The following GPHN variants were observed in gnomAD, a reference collection of about 807,000 sequenced individuals.
The protein encoded by GPHN is gephyrin.
GPHN carries 17 observed loss-of-function variants against 95.5 expected under a neutral mutation model. The observed-to-expected ratio is 0.18, with a 90% CI of 0.12 to 0.27. The LOEUF (loss-of-function observed/expected upper bound fraction) is 0.27. Ranked by LOEUF, GPHN falls within the 10% of genes least tolerant of loss-of-function variation. The pLI, the probability that GPHN is intolerant of heterozygous loss-of-function variation, is 1.00. For synonymous variants in GPHN, 320 were observed against 322.5 expected (o/e 0.99, Z 0.08); for missense variants, 660 against 978.1 (o/e 0.67, Z 4.34).
chr14:67,063,650 C>T (rs2075915989), intron 11 of GPHN, among the ~76,000 whole-genome samples: 1 of 152,052 alleles, frequency 6.6e-6, no homozygotes, highest in South Asian at 2.1e-4. Flanking sequence ...CCTTCACATC[C>T]CTTGTAAATT....
chr14:67,088,292 GTAA>G (rs1458089078), intron 11 of GPHN, among the ~76,000 whole-genome samples: 1 of 152,072 alleles, frequency 6.6e-6, no homozygotes, highest in Non-Finnish European at 1.5e-5. Flanking sequence ...ACATTCTGAA[GTAA>G]TAAATGCTTT....
At chr14:67,507,845 G>A in the GPHN span, among the ~76,000 whole-genome samples, 1 of 152,138 alleles carries the variant, frequency 6.6e-6, no homozygotes, top group African/African-American at 2.4e-5. Flanking sequence ...GCGGTTAAAA[G>A]AGCAATGACT....
chr14:67,222,922 G>A, the GPHN span, among the ~76,000 whole-genome samples: 1 of 150,816 alleles, frequency 6.6e-6, no homozygotes, highest in African/African-American at 2.4e-5. Context: ...ACAAGAGTCA[G>A]TCCCACAAAA....
intron 21 of GPHN, among the ~76,000 whole-genome samples, chr14:67,169,708 T>C (rs2082487476): frequency 6.6e-6 from 1 of 152,248 alleles, no homozygotes; most frequent in African/African-American, 2.4e-5. Context: ...ACCATTACTT[T>C]CCAAGTGTTC....
intron 5 of GPHN, among the ~76,000 whole-genome samples, chr14:66,893,670 G>A (rs1288756922): frequency 6.6e-6 from 1 of 152,118 alleles, no homozygotes; most frequent in African/African-American, 2.4e-5. Flanking sequence ...CAAAGTCTTA[G>A]GATACAAAAT....
chr14:67,453,565 C>T, the GPHN span, among the ~76,000 whole-genome samples: 1 of 152,164 alleles, frequency 6.6e-6, no homozygotes, highest in Non-Finnish European at 1.5e-5. Flanking sequence ...CCTATTTTTG[C>T]CCCCAAAAGA....
intron 12 of GPHN, among the ~76,000 whole-genome samples, chr14:67,099,555 A>AG (rs902829946): frequency 1.2e-4 from 18 of 152,032 alleles, no homozygotes; most frequent in Non-Finnish European, 2.4e-4. Flanking sequence ...TTCAAAAAAA[A>AG]AAACACAAGA....
intron 10 of GPHN, among the ~76,000 whole-genome samples, chr14:67,029,404 C>T (rs1029037798): frequency 2.7e-5 from 4 of 150,604 alleles, no homozygotes; most frequent in African/African-American, 9.8e-5. Context: ...ATGGCACAGT[C>T]TTGGCTCACT....
chr14:66,518,045 C>T lies in GPHN; in HGVS notation c.64+9454C>T, dbSNP rs555212116. On this transcript the variant is annotated intron_variant, in intron 1 of 22. Transcript: ENST00000478722. ...AAATATTTGCAAACTGTTCATCTGA[C>T]GGGGGATTAATATCTAGGATATACA... 1.1e-4 allele frequency among the ~76,000 whole-genome samples: 17 copies of T among 150,916 alleles called. No individual in the cohort carries two copies. The East Asian group carries it at 1.2e-3, about 10-fold the overall frequency.
chr14:67,110,188 G>T lies in GPHN; in HGVS notation c.1342G>T (p.Ala448Ser), dbSNP rs2153685279. The T allele has an allele frequency of 1.2e-6, 2 of 1,612,386 alleles. No homozygotes were observed. The highest frequency in any genetic ancestry group is 1.7e-6 in the Non-Finnish European group (2 of 1,178,426). ...PGQVMRVTTG[A>S]PIPCGADAVV... ...ACAAGTCATGCGGGTTACAACAGGT[G>T]CTCCAATACCCTGCGGTGCTGATGC... The change falls in exon 14 of 23, where the codon GCT (alanine) becomes TCT (serine). Residue 448 changes from alanine (A) to serine (S), a missense_variant. By Grantham distance (99) the Ala-to-Ser change is moderately conservative. Around this residue, in one of 6 missense-constraint regions of GPHN, gnomAD observed 257 missense variants for 376.2 expected, o/e 0.68. Transcript: ENST00000478722.
chr14:67,341,726 G>A, the GPHN span, among the ~76,000 whole-genome samples: 1 of 152,264 alleles, frequency 6.6e-6, no homozygotes, highest in Admixed American at 6.5e-5. Context: ...GACAATGGCG[G>A]TTTTGTGGAA....
the GPHN span, chr14:67,562,578 G>C: frequency 1.2e-6 from 2 of 1,612,482 alleles, no homozygotes; most frequent in Non-Finnish European, 1.7e-6. Context: ...CCAAAGGTGC[G>C]GGCTCCTGGC....
At chr14:66,887,898 A>G (rs1301588318) in intron 5 of GPHN, among the ~76,000 whole-genome samples, 1 of 152,232 alleles carries the variant, frequency 6.6e-6, no homozygotes, top group Non-Finnish European at 1.5e-5. Context: ...AATCAAAGAC[A>G]TGAAACTCCT....
the GPHN span, among the ~76,000 whole-genome samples, chr14:67,403,661 G>A: frequency 2.0e-5 from 3 of 152,226 alleles, no homozygotes; most frequent in Non-Finnish European, 2.9e-5. Flanking sequence ...GATGTACTAC[G>A]TAGACAAGAA....
intron 5 of GPHN, among the ~76,000 whole-genome samples, chr14:66,890,285 G>A (rs1222968415): frequency 6.6e-6 from 1 of 151,986 alleles, no homozygotes; most frequent in African/African-American, 2.4e-5. Context: ...GCACACACCT[G>A]TAGTCCCAGC....
chr14:67,615,912 A>G, the GPHN span: 3 of 567,024 alleles, frequency 5.3e-6, no homozygotes, highest in South Asian at 5.8e-5. Flanking sequence ...AAGCAGCCTT[A>G]AAAAGAAGTC....
intron 1 of GPHN, among the ~76,000 whole-genome samples, chr14:66,661,602 A>G (rs111852101): frequency 5.1e-4 from 77 of 151,674 alleles, no homozygotes; most frequent in African/African-American, 1.6e-3. Context: ...GGCAGAAGGG[A>G]TCCCCCAACA....
the GPHN span, among the ~76,000 whole-genome samples, chr14:67,685,847 T>G: frequency 6.6e-6 from 1 of 151,454 alleles, no homozygotes; most frequent in Non-Finnish European, 1.5e-5. Context: ...AACTCCTGAC[T>G]TCAAGTGATC....
chr14:67,651,315 T>C, the GPHN span: 9 of 1,609,690 alleles, frequency 5.6e-6, no homozygotes, highest in Admixed American at 1.5e-4. Flanking sequence ...ATGCTTATTC[T>C]ATCCACATCC....
Sources: gnomAD v4.1 joint callset for allele counts (sites outside exome capture counted in the v4.1 genomes callset) on GRCh38, gnomAD v4.1.1 for gene constraint, gnomAD v4.1.1 regional missense constraint, MANE v1.5 for transcripts, NCBI Gene and HGNC (gene_info 2026-07-23, HGNC 2026-07-21) for gene names.